The following DAB1 variants were observed in gnomAD, a reference collection of about 807,000 sequenced individuals.
The protein encoded by DAB1 is disabled homolog 1.
In DAB1, 15 loss-of-function variants were observed where a neutral mutation model predicts 64.6. The ratio of observed to expected loss-of-function variants is 0.23; its 90% CI spans 0.16 to 0.36. DAB1 has a LOEUF of 0.36. Among genes scored for constraint, DAB1 ranks in the 10% least tolerant of loss-of-function variants. DAB1 has a pLI of 1.00. For synonymous variants in DAB1, 235 were observed against 251.9 expected (o/e 0.93, Z 0.64); for missense variants, 596 against 706.7 (o/e 0.84, Z 1.78).
At chr1:57,208,313 GCCTT>G (rs1665751637) in intron 2 of DAB1, among the ~76,000 whole-genome samples, 1 of 151,978 alleles carries the variant, frequency 6.6e-6, no homozygotes, top group Non-Finnish European at 1.5e-5. Flanking sequence ...ATCAGCAGTG[GCCTT>G]CCTCAGTTTT....
chr1:58,126,772 T>C (rs1173698086), intron 5 of DAB1, among the ~76,000 whole-genome samples: 1 of 152,006 alleles, frequency 6.6e-6, no homozygotes, highest in South Asian at 2.1e-4. Flanking sequence ...TCCATGTCCC[T>C]ACAAAGGACA....
chr1:58,329,035 G>A (rs190998717), intron 4 of DAB1, among the ~76,000 whole-genome samples: 17 of 152,266 alleles, frequency 1.1e-4, no homozygotes, highest in Admixed American at 9.8e-4. Context: ...GGTTGTTCAT[G>A]CTATTGTTTC....
intron 3 of DAB1, among the ~76,000 whole-genome samples, chr1:58,453,016 G>A (rs190256666): frequency 1.7e-3 from 256 of 152,264 alleles, no homozygotes; most frequent in South Asian, 0.014. Context: ...ACAATGCGGC[G>A]TGGATAAACA....
At chr1:57,029,084 G>A (rs1449651759) in intron 9 of DAB1, among the ~76,000 whole-genome samples, 1 of 152,158 alleles carries the variant, frequency 6.6e-6, no homozygotes, top group South Asian at 2.1e-4. Context: ...GGCCCAGGAG[G>A]AAAAAGTGGT....
At chr1:58,480,519 C>G (rs1483732904) in intron 3 of DAB1, among the ~76,000 whole-genome samples, 1 of 152,096 alleles carries the variant, frequency 6.6e-6, no homozygotes, top group Non-Finnish European at 1.5e-5. Context: ...CCCCCTTTTC[C>G]ACATAATCCC....
At chr1:57,311,006 A>G (rs147153558) in intron 1 of DAB1, among the ~76,000 whole-genome samples, 4 of 152,134 alleles carry the variant, frequency 2.6e-5, no homozygotes, top group Admixed American at 6.5e-5. Flanking sequence ...TAAAAAAAAA[A>G]ATAGATAGAT....
chr1:57,304,200 G>C (rs1417215087), intron 1 of DAB1, among the ~76,000 whole-genome samples: 2 of 152,142 alleles, frequency 1.3e-5, no homozygotes, highest in South Asian at 4.1e-4. Flanking sequence ...AACAGGAGCA[G>C]GAGAGAAGGT....
intron 4 of DAB1, among the ~76,000 whole-genome samples, chr1:58,270,618 TG>T (rs1661292551): frequency 2.5e-5 from 1 of 39,468 alleles, no homozygotes; most frequent in Admixed American, 2.7e-4. Flanking sequence ...TTGGGCAGTA[TG>T]GCCATTTTCA....
chr1:57,184,443 C>G (rs965027308), intron 2 of DAB1, among the ~76,000 whole-genome samples: 1 of 152,188 alleles, frequency 6.6e-6, no homozygotes, highest in African/African-American at 2.4e-5. Flanking sequence ...CATGCTACTC[C>G]CGTGCCAACC....
chr1:57,636,005 G>A (rs1248882627), intron 7 of DAB1, among the ~76,000 whole-genome samples: 2 of 146,502 alleles, frequency 1.4e-5, no homozygotes, highest in Admixed American at 1.4e-4. Context: ...GCTGAGGCAG[G>A]AGAATGGCGT....
At chr1:58,009,393 C>T (rs566922817) in intron 5 of DAB1, among the ~76,000 whole-genome samples, 1 of 152,226 alleles carries the variant, frequency 6.6e-6, no homozygotes, top group South Asian at 2.1e-4. Flanking sequence ...CTGTATGCTA[C>T]ATATTGACAA....
chr1:57,857,853 C>CAAA (rs761614350), intron 1 of DAB1, among the ~76,000 whole-genome samples: 1 of 53,524 alleles, frequency 1.9e-5, no homozygotes, highest in African/African-American at 5.3e-5. Flanking sequence ...AATGTTCATA[C>CAAA]AAAAAAAAAA....
chr1:58,466,014 C>T lies in DAB1; in HGVS notation n.257+40046G>A, dbSNP rs77663444. On this transcript the variant is annotated intron_variant and non_coding_transcript_variant, in intron 3 of 20. Coordinates refer to the DAB1 transcript ENST00000485760. ...ACCAAATCTAGGGGAGTGTGGTGGC[C>T]ATGGAGAATATTCCTCTCAGATACC... is the stretch of plus-strand genomic sequence containing the variant. Among the ~76,000 whole-genome samples the T allele has an allele frequency of 6.6e-5, 10 of 152,252 alleles. No homozygotes were observed. The East Asian group carries it at 1.9e-3, about 29-fold the overall frequency.
In DAB1 at chr1:58,031,280, T is replaced by C. The variant is rs182471181; in HGVS notation, n.387+119231A>G. On this transcript the variant is annotated intron_variant and non_coding_transcript_variant, in intron 5 of 20. Transcript: ENST00000485760. Reference sequence around the variant, plus strand: ...ATGGAGGCAAGGCTGAAGTAATGCATTGGGACCGGGTTATGTGGGGAGAGT... The same window carrying C: ...ATGGAGGCAAGGCTGAAGTAATGCACTGGGACCGGGTTATGTGGGGAGAGT... Among the ~76,000 whole-genome samples, 7 of 152,240 alleles carry C rather than the reference T, an allele frequency of 4.6e-5. No individual in the cohort carries two copies. The East Asian group carries it at 5.8e-4, about 13-fold the overall frequency.
At chr1:58,463,748 C>G (rs1056029104) in intron 3 of DAB1, among the ~76,000 whole-genome samples, 8 of 152,220 alleles carry the variant, frequency 5.3e-5, no homozygotes, top group Non-Finnish European at 8.8e-5. Flanking sequence ...TGGACATTTA[C>G]AGATGTGGAT....
intron 4 of DAB1, among the ~76,000 whole-genome samples, chr1:58,153,803 T>C (rs1313918477): frequency 6.7e-5 from 10 of 150,028 alleles, no homozygotes; most frequent in South Asian, 2.2e-4. Context: ...CGTCCTGTCA[T>C]GTTTGACAGC....
At chr1:57,255,524 G>T (rs1374923642) in intron 2 of DAB1, among the ~76,000 whole-genome samples, 1 of 152,124 alleles carries the variant, frequency 6.6e-6, no homozygotes, top group Non-Finnish European at 1.5e-5. Flanking sequence ...GCTGGATGTG[G>T]TGATGCATGG....
intron 5 of DAB1, among the ~76,000 whole-genome samples, chr1:58,133,544 CCAA>C (rs1557665411): frequency 6.6e-6 from 1 of 152,198 alleles, no homozygotes; most frequent in Admixed American, 6.5e-5. Flanking sequence ...TCTCTACCTG[CCAA>C]CAGATTTCCA....
intron 6 of DAB1, among the ~76,000 whole-genome samples, chr1:57,700,324 G>A (rs1040249505): frequency 2.0e-5 from 3 of 152,082 alleles, no homozygotes; most frequent in Non-Finnish European, 4.4e-5. Flanking sequence ...CAAAAACCTT[G>A]GTAACAATCA....
Sources: allele counts gnomAD v4.1 joint callset (sites outside exome capture counted in the v4.1 genomes callset), GRCh38; gene constraint gnomAD v4.1.1; transcripts MANE v1.5; gene names NCBI Gene and HGNC (gene_info 2026-07-23, HGNC 2026-07-21).